Variants in MYO10 observed in about 807,000 individuals in gnomAD.
MYO10 encodes the protein unconventional myosin-X.
MYO10 carries 133 observed loss-of-function variants against 257.3 expected under a neutral mutation model. The ratio of observed to expected loss-of-function variants is 0.52; its 90% CI spans 0.45 to 0.60. The LOEUF is 0.60. MYO10 is among the 20% of genes least tolerant of loss of function. MYO10 has a pLI of 0.00. For missense variants in MYO10, 2,399 were observed against 2,635.7 expected, an observed-to-expected ratio of 0.91 and a Z score of 1.97; for synonymous variants, 1,104 against 1,028.6, an observed-to-expected ratio of 1.07 and a Z score of -1.40.
intron 2 of MYO10, among the ~76,000 whole-genome samples, chr5:16,864,851 A>G (rs1048496057): frequency 1.3e-5 from 2 of 152,218 alleles, no homozygotes; most frequent in African/African-American, 2.4e-5. Flanking sequence ...CAGAGCAGAA[A>G]AGATTCTTAA....
chr5:16,859,753 A>C (rs1744057861), intron 2 of MYO10, among the ~76,000 whole-genome samples: 2 of 152,068 alleles, frequency 1.3e-5, no homozygotes, highest in Admixed American at 6.6e-5. Flanking sequence ...TCAAAATAAT[A>C]ATAATAATAA....
rs756119561 is a variant in MYO10 at position 16,674,864 on chromosome 5, G to T, written c.4953C>A (p.Phe1651Leu). 2 of 1,613,856 alleles carry T rather than the reference G, an allele frequency of 1.2e-6. No individual in the cohort carries two copies. Among genetic ancestry groups the T allele is most frequent in the Admixed American group, 3.3e-5 (2 of 60,016 alleles). Residue 1651 changes from phenylalanine (F) to leucine (L), a missense_variant, in exon 35 of 41, where the codon TTC (phenylalanine) becomes TTA (leucine). By Grantham distance (22) the Phe-to-Leu change is conservative (BLOSUM62 0). Transcript: ENST00000513610. The stretch of plus-strand genomic sequence containing the variant: ...CCCCCATGCTTTACCTTTTCAGATG[G>T]AACTTGAGATACTTGAGAATCCCTC... ...PSRGILKYLK[F>L]HLKRIREQFP...
At chr5:16,770,748 A>G (rs942082740) in intron 9 of MYO10, among the ~76,000 whole-genome samples, 5 of 152,188 alleles carry the variant, frequency 3.3e-5, no homozygotes, top group African/African-American at 4.8e-5. Flanking sequence ...TAACACTGCG[A>G]AAAGTTCAAT....
chr5:16,848,181 A>T, intron 2 of MYO10, among the ~76,000 whole-genome samples: 1 of 75,922 alleles, frequency 1.3e-5, no homozygotes, highest in East Asian at 3.7e-4. Flanking sequence ...TTTGTGAGAG[A>T]GAGTTTTGCT....
At chr5:16,794,298 T>C (rs1248429517) in intron 4 of MYO10, among the ~76,000 whole-genome samples, 1 of 150,210 alleles carries the variant, frequency 6.7e-6, no homozygotes, top group Non-Finnish European at 1.5e-5. Context: ...GAAAGAACTA[T>C]GCAAGATTTC....
At chr5:16,874,658 C>T (rs1201338062) in intron 2 of MYO10, among the ~76,000 whole-genome samples, 2 of 152,144 alleles carry the variant, frequency 1.3e-5, no homozygotes, top group South Asian at 4.1e-4. Context: ...ATTTCATCAT[C>T]CATATTTTTA....
At chr5:16,787,609 T>TAAA (rs70940401) in intron 4 of MYO10, among the ~76,000 whole-genome samples, 1 of 124,970 alleles carries the variant, frequency 8.0e-6, no homozygotes, top group Admixed American at 8.5e-5. Flanking sequence ...TGTTTTGCTT[T>TAAA]AAAAAAAAAA....
intron 39 of MYO10, among the ~76,000 whole-genome samples, chr5:16,670,154 G>C (rs1218562231): frequency 1.3e-5 from 2 of 152,004 alleles, no homozygotes; most frequent in Non-Finnish European, 2.9e-5. Context: ...TGGCTGTAAA[G>C]AAAAAACAAA....
At position 16,670,702 on chromosome 5, in the gene MYO10, CCTT is replaced by C. The variant is rs774101237; in HGVS notation, c.5704_5706del (p.Lys1902del). 6.2e-7 allele frequency: 1 copy of C among 1,614,038 alleles called. No homozygotes were observed. The stretch of plus-strand genomic sequence containing the variant: ...ATGTCCAGCATCTGCTCCTCCTCGA[CCTT>C]CTGCCGGACCACGGATCCTGTCCGG... On this transcript the variant is annotated inframe_deletion, in exon 39 of 41. Transcript: ENST00000513610.
At chr5:16,738,488 C>T (rs1739893267) in intron 19 of MYO10, 2 of 844,634 alleles carry the variant, frequency 2.4e-6, no homozygotes, top group African/African-American at 3.7e-5. Flanking sequence ...GGAGCCCAGT[C>T]AAGTTCCTAT....
intron 19 of MYO10, chr5:16,741,911 C>G: frequency 1.0e-6 from 1 of 985,370 alleles, no homozygotes; most frequent in Non-Finnish European, 1.2e-6. Flanking sequence ...GGGCTTTCTT[C>G]GGCTGGCTGG....
intron 1 of MYO10, among the ~76,000 whole-genome samples, chr5:16,905,218 G>C (rs1259950298): frequency 6.6e-6 from 1 of 152,174 alleles, no homozygotes; most frequent in Non-Finnish European, 1.5e-5. Context: ...CCAAGCTTCT[G>C]AAGGAAAGCA....
At chr5:16,789,017 T>A (rs1178573618) in intron 4 of MYO10, among the ~76,000 whole-genome samples, 1 of 152,096 alleles carries the variant, frequency 6.6e-6, no homozygotes, top group African/African-American at 2.4e-5. Context: ...GGAAAAGGAA[T>A]CTGATACGAG....
rs1188945979 is a variant in MYO10, at chr5:16,664,184, TAAAAC to T, written c.*2503_*2507del. ...CTGTAATTATTTCTAAATAAAAGGCTAAAACAAAACCACAACTATGCCATGTAAAG... is the reference window on the plus strand; with the variant it reads ...CTGTAATTATTTCTAAATAAAAGGCTAAAACCACAACTATGCCATGTAAAG... On this transcript the variant is annotated 3_prime_UTR_variant, in exon 41 of 41. Coordinates refer to ENST00000513610, the MANE Select transcript of MYO10 (RefSeq NM_012334.3). The T allele has an allele frequency of 6.6e-6, 1 of 152,148 alleles. No homozygotes were observed. Among genetic ancestry groups the T allele is most frequent in the African/African-American group, 2.4e-5 (1 of 41,424 alleles). 9.4% of individuals were successfully genotyped at this position (152,148 alleles called of 1,614,324 possible).
At position 16,670,824 on chromosome 5, in the gene MYO10, G is replaced by T. The variant is rs1736419027; in HGVS notation, c.5585C>A (p.Ala1862Asp). 6.2e-6 allele frequency: 10 copies of T among 1,614,036 alleles called. No individual in the cohort carries two copies. Among genetic ancestry groups the T allele is most frequent in the Non-Finnish European group, 7.6e-6 (9 of 1,179,904 alleles). ...EEVYSLQRLK[A>D]RISQSTKTFT... is the part of the protein sequence containing the mutation. ...GGTTTTGGTTGACTGGCTGATGCGGGCCTTGAGTCTCTGCAGGGAATAAAC... is the reference window on the plus strand; with the variant it reads ...GGTTTTGGTTGACTGGCTGATGCGGTCCTTGAGTCTCTGCAGGGAATAAAC... The change falls in exon 39 of 41, where the codon GCC becomes GAC. Residue 1862 changes from alanine to aspartate, a missense_variant. Physicochemically the swap from Ala to Asp is moderately radical, Grantham distance 126. This residue lies in a region of MYO10 where 1,820 missense variants were observed against 1,939.4 expected (regional missense o/e 0.94). Coordinates refer to ENST00000513610, the MANE Select transcript of MYO10 (RefSeq NM_012334.3).
chr5:16,724,302 T>G (rs1443827386), intron 19 of MYO10, among the ~76,000 whole-genome samples: 1 of 152,138 alleles, frequency 6.6e-6, no homozygotes, highest in African/African-American at 2.4e-5. Context: ...CTACTGTACA[T>G]GTACACTGGA....
At chr5:16,913,068 G>A (rs1253958864) in intron 1 of MYO10, among the ~76,000 whole-genome samples, 2 of 150,738 alleles carry the variant, frequency 1.3e-5, no homozygotes, top group South Asian at 2.1e-4. Flanking sequence ...ATTTCTCTCA[G>A]TGCCTCCCTT....
chr5:16,798,838 C>A (rs898833706), intron 3 of MYO10, among the ~76,000 whole-genome samples: 3 of 152,100 alleles, frequency 2.0e-5, no homozygotes, highest in Admixed American at 1.3e-4. Context: ...ACACTGCCAA[C>A]CATCAACACG....
chr5:16,807,140 TTC>T (rs1338053007), intron 3 of MYO10, among the ~76,000 whole-genome samples: 6 of 152,170 alleles, frequency 3.9e-5, no homozygotes, highest in Non-Finnish European at 8.8e-5. Context: ...CCCCGTTTCC[TTC>T]TCTCTCAAAC....
Sources: allele counts gnomAD v4.1 joint callset (sites outside exome capture counted in the v4.1 genomes callset), GRCh38; gene constraint gnomAD v4.1.1; regional missense constraint gnomAD v4.1.1; transcripts MANE v1.5; gene names NCBI Gene and HGNC (gene_info 2026-07-23, HGNC 2026-07-21).